The following MEMO1 variants were observed in gnomAD, a reference collection of about 807,000 sequenced individuals.
MEMO1 encodes the protein mediator of cell motility 1.
MEMO1 carries 6 observed loss-of-function variants against 45.2 expected under a neutral mutation model. The observed-to-expected ratio is 0.13, with a 90% CI of 0.07 to 0.26. The LOEUF (loss-of-function observed/expected upper bound fraction) is 0.26, where lower values mean the gene tolerates loss of function less well. MEMO1 is among the 10% of genes least tolerant of loss of function. The pLI is 1.00. For synonymous variants in MEMO1, 78 were observed against 124.3 expected (o/e 0.63, Z 2.48); for missense variants, 184 against 370.5 (o/e 0.50, Z 4.13).
At chr2:31,878,626 G>A (rs985990103) in intron 8 of MEMO1, among the ~76,000 whole-genome samples, 24 of 152,064 alleles carry the variant, frequency 1.6e-4, no homozygotes, top group African/African-American at 4.3e-4. Context: ...GTTTGAGCAC[G>A]TGCTTCTGGC....
At chr2:31,919,881 T>C (rs1430552267) in intron 5 of MEMO1, among the ~76,000 whole-genome samples, 1 of 151,404 alleles carries the variant, frequency 6.6e-6, no homozygotes, top group Non-Finnish European at 1.5e-5. Flanking sequence ...TTTATATATA[T>C]ACACACATAT....
At chr2:32,005,967 A>C (rs1367452717) in intron 2 of MEMO1, among the ~76,000 whole-genome samples, 1 of 152,214 alleles carries the variant, frequency 6.6e-6, no homozygotes. Context: ...AGGAGTAGGA[A>C]TTATCCCAAC....
intron 6 of MEMO1, among the ~76,000 whole-genome samples, chr2:31,901,025 C>T (rs1239637153): frequency 2.0e-5 from 3 of 151,942 alleles, no homozygotes; most frequent in East Asian, 3.8e-4. Flanking sequence ...GTTTATCAAC[C>T]GGTAAATGGA....
At chr2:31,880,060 C>T (rs374105254) in intron 8 of MEMO1, among the ~76,000 whole-genome samples, 1 of 152,154 alleles carries the variant, frequency 6.6e-6, no homozygotes, top group African/African-American at 2.4e-5. Flanking sequence ...GTAATGGCTT[C>T]TTTGTAAGTA....
At chr2:31,968,854 T>A (rs967020911) in intron 2 of MEMO1, among the ~76,000 whole-genome samples, 1 of 152,132 alleles carries the variant, frequency 6.6e-6, no homozygotes, top group Non-Finnish European at 1.5e-5. Context: ...TCCATTCCAT[T>A]TTTAACTCTT....
chr2:31,967,848 T>C (rs1473877826), intron 2 of MEMO1, among the ~76,000 whole-genome samples: 1 of 152,226 alleles, frequency 6.6e-6, no homozygotes, highest in South Asian at 2.1e-4. Flanking sequence ...ATGCATTTTT[T>C]AAAAATTGTT....
intron 2 of MEMO1, among the ~76,000 whole-genome samples, chr2:31,994,194 C>A (rs1036567487): frequency 6.6e-6 from 1 of 150,520 alleles, no homozygotes; most frequent in African/African-American, 2.4e-5. Context: ...CTCCCAACCT[C>A]AGGTGATCTG....
Position 32,010,290 on chromosome 2 carries a change from A to AGGC in MEMO1, c.-17-29_-17-27dup, listed in dbSNP as rs765824290. Reference sequence around the variant, plus strand: ...CTATGGTGCACGAGGATGAATGAGGAGGCGGCGGCGGCGGCGGCAGGAGCG... The same window carrying AGGC: ...CTATGGTGCACGAGGATGAATGAGGAGGCGGCGGCGGCGGCGGCGGCAGGAGCG... On this transcript the variant is annotated intron_variant, in intron 1 of 9. Transcript: ENST00000404530. 413 of 1,345,962 alleles carry AGGC rather than the reference A, an allele frequency of 3.1e-4. No homozygotes were observed. In the African/African-American group the frequency reaches 3.8e-3, roughly 12 times the overall value. The allele number at this position is 1,345,962 out of a possible 1,614,324, so 83.4% of individuals were successfully genotyped here. A position where few individuals can be genotyped will look rare whatever the true frequency, so the allele number is the denominator to read the frequency against.
intron 3 of MEMO1, among the ~76,000 whole-genome samples, chr2:31,937,563 T>C (rs1237635922): frequency 6.6e-6 from 1 of 152,206 alleles, no homozygotes; most frequent in African/African-American, 2.4e-5. Context: ...GTCTTCTATA[T>C]ACACGCTTTT....
At chr2:31,907,637 A>T (rs1171407606) in intron 6 of MEMO1, among the ~76,000 whole-genome samples, 1 of 152,160 alleles carries the variant, frequency 6.6e-6, no homozygotes, top group East Asian at 1.9e-4. Context: ...TACAAAAAAT[A>T]CAAAAATTAG....
At chr2:31,981,090 G>C (rs1670581650) in intron 2 of MEMO1, among the ~76,000 whole-genome samples, 1 of 152,190 alleles carries the variant, frequency 6.6e-6, no homozygotes, top group Admixed American at 6.5e-5. Context: ...AAATAGTAGA[G>C]AAGAAGTGTT....
chr2:31,991,571 CAAA>C (rs11317637), intron 2 of MEMO1, among the ~76,000 whole-genome samples: 4 of 110,238 alleles, frequency 3.6e-5, no homozygotes, highest in Non-Finnish European at 5.8e-5. Flanking sequence ...AACTCCGACT[CAAA>C]AAAAAAAAAA....
chr2:31,895,405 G>A (rs1677616969), intron 6 of MEMO1, among the ~76,000 whole-genome samples: 1 of 152,072 alleles, frequency 6.6e-6, no homozygotes, highest in Admixed American at 6.6e-5. Context: ...ACTAAATAGG[G>A]AATATCAACA....
intron 2 of MEMO1, among the ~76,000 whole-genome samples, chr2:32,003,366 CGTG>C: frequency 6.6e-6 from 1 of 152,106 alleles, no homozygotes; most frequent in African/African-American, 2.4e-5. Flanking sequence ...CCATGACAGC[CGTG>C]ATTATAAGAT....
intron 8 of MEMO1, among the ~76,000 whole-genome samples, chr2:31,879,613 A>G: frequency 6.6e-6 from 1 of 152,366 alleles, no homozygotes; most frequent in African/African-American, 2.4e-5. Context: ...AAAAATAAAC[A>G]GGTAAAATTA....
chr2:31,913,248 C>CAAAAAA (rs3065389), intron 6 of MEMO1, among the ~76,000 whole-genome samples: 7 of 44,360 alleles, frequency 1.6e-4, no homozygotes, highest in Admixed American at 9.6e-4. Flanking sequence ...GACTCCGTCT[C>CAAAAAA]AAAAAAAAAA....
intron 8 of MEMO1, 123 bp downstream of exon 8, chr2:31,883,263 G>T: frequency 1.4e-6 from 1 of 702,044 alleles, no homozygotes; most frequent in Non-Finnish European, 2.4e-6. Context: ...ATGACACATT[G>T]CATTTTGTAC....
chr2:31,883,867 C>G (rs1282925431), intron 7 of MEMO1, among the ~76,000 whole-genome samples: 2 of 151,036 alleles, frequency 1.3e-5, no homozygotes, highest in Non-Finnish European at 3.0e-5. Flanking sequence ...AAAGCCTTAG[C>G]TTTTGCTGTA....
intron 6 of MEMO1, among the ~76,000 whole-genome samples, chr2:31,894,838 C>G (rs1677514049): frequency 6.6e-6 from 1 of 152,164 alleles, no homozygotes; most frequent in Admixed American, 6.5e-5. Context: ...TCTCACTATG[C>G]TGCCCAGGCT....
Sources: allele counts gnomAD v4.1 joint callset (sites outside exome capture counted in the v4.1 genomes callset), GRCh38; gene constraint gnomAD v4.1.1; transcripts MANE v1.5; gene names NCBI Gene and HGNC (gene_info 2026-07-23, HGNC 2026-07-21).